ADGRB3: variants seen among roughly 807,000 people sequenced by gnomAD.
ADGRB3 encodes the protein adhesion G protein-coupled receptor B3.
A neutral mutation model predicts 193.4 loss-of-function variants in ADGRB3; 37 were observed. The observed-to-expected ratio is 0.19, with a 90% CI of 0.15 to 0.25. ADGRB3 has a LOEUF of 0.25. Among genes scored for constraint, ADGRB3 ranks in the 10% least tolerant of loss-of-function variants. The pLI, the probability that ADGRB3 is intolerant of heterozygous loss-of-function variation, is 1.00. For missense variants in ADGRB3, 1,637 were observed against 1,852.9 expected (o/e 0.88, Z 2.14); for synonymous variants, 690 against 644.2 (o/e 1.07, Z -1.08).
chr6:68,739,417 A>G (rs1765934826), intron 3 of ADGRB3, among the ~76,000 whole-genome samples: 1 of 152,190 alleles, frequency 6.6e-6, no homozygotes, highest in South Asian at 2.1e-4. Context: ...AAATGATTAC[A>G]TAGGAAACAA....
chr6:68,945,228 T>C (rs1767743270), intron 6 of ADGRB3, among the ~76,000 whole-genome samples: 1 of 152,160 alleles, frequency 6.6e-6, no homozygotes, highest in Non-Finnish European at 1.5e-5. Context: ...CAAATAATTA[T>C]AATTACATTA....
At chr6:68,682,303 C>T (rs1764910431) in intron 3 of ADGRB3, among the ~76,000 whole-genome samples, 1 of 152,102 alleles carries the variant, frequency 6.6e-6, no homozygotes, top group Admixed American at 6.5e-5. Flanking sequence ...TTTTGTTTTA[C>T]CTCCAAATAG....
In ADGRB3 at chr6:68,993,877, A is replaced by G; in HGVS notation, c.1844A>G (p.Asp615Gly). The change falls in exon 11 of 32, where the codon GAT becomes GGT. Residue 615 changes from aspartate (D) to glycine (G), a missense_variant. By Grantham distance (94) the Asp-to-Gly change is moderately conservative. Transcript: ENST00000370598. ...CAGAGAAAAAATTTCTATGCAGGCG[A>G]TCTTCTGATGTCTGTGGAGATCCTG... ...LTQRKNFYAG[D>G]LLMSVEILRN... 6.2e-7 allele frequency: 1 copy of G among 1,614,008 alleles called. No individual in the cohort carries two copies. Among genetic ancestry groups the G allele is most frequent in the Non-Finnish European group, 8.5e-7 (1 of 1,179,892 alleles).
intron 2 of ADGRB3, among the ~76,000 whole-genome samples, chr6:68,637,802 A>ATT (rs3839456): frequency 2.7e-4 from 40 of 148,734 alleles, no homozygotes; most frequent in South Asian, 6.4e-4. Flanking sequence ...ATGGTTCTGG[A>ATT]TTTTTTTTTT....
At chr6:68,676,980 A>G (rs1050739994) in intron 3 of ADGRB3, among the ~76,000 whole-genome samples, 1 of 152,206 alleles carries the variant, frequency 6.6e-6, no homozygotes, top group African/African-American at 2.4e-5. Flanking sequence ...GGAGCCAGCC[A>G]TTTCAGAATA....
chr6:68,930,765 GGAGCTGATATTTTTTC>G, intron 4 of ADGRB3, 96 bp downstream of exon 4: 2 of 986,684 alleles, frequency 2.0e-6, no homozygotes. Flanking sequence ...GTCAGTTTTT[GGAGCTGATATTTTTTC>G]GAGCCATTTT....
intron 3 of ADGRB3, among the ~76,000 whole-genome samples, chr6:68,863,258 T>C (rs1765205043): frequency 1.3e-5 from 2 of 152,078 alleles, no homozygotes; most frequent in African/African-American, 4.8e-5. Context: ...TTCAAATTCC[T>C]GAGTACAGAC....
At chr6:68,777,800 A>C (rs1361501856) in intron 3 of ADGRB3, among the ~76,000 whole-genome samples, 1 of 152,114 alleles carries the variant, frequency 6.6e-6, no homozygotes, top group Non-Finnish European at 1.5e-5. Context: ...GAAGGTCCAG[A>C]GAATTCATGC....
Position 68,771,405 on chromosome 6 carries a change from CACACACAT to C in ADGRB3, c.757+131975_757+131982del, listed in dbSNP as rs201691001. Among the ~76,000 whole-genome samples the C allele has an allele frequency of 3.1e-3, 466 of 151,790 alleles. 2 individuals are homozygous for C. Among genetic ancestry groups the C allele is most frequent in the Admixed American group, 4.5e-3 (69 of 15,206 alleles). ...ATATATACACACACACACACACACA[CACACACAT>C]ATATGTATACACACACATACATATG... On this transcript the variant is annotated intron_variant, in intron 3 of 31. Coordinates refer to ENST00000370598, the MANE Select transcript of ADGRB3 (RefSeq NM_001704.3).
intron 17 of ADGRB3, among the ~76,000 whole-genome samples, chr6:69,098,113 A>AGGTGC (rs1772936714): frequency 1.3e-5 from 2 of 152,284 alleles, no homozygotes; most frequent in South Asian, 4.1e-4. Context: ...AAACCAATTA[A>AGGTGC]AATAGTGCAG....
intron 17 of ADGRB3, among the ~76,000 whole-genome samples, chr6:69,129,557 C>T (rs1773948428): frequency 6.6e-6 from 1 of 152,066 alleles, no homozygotes. Flanking sequence ...TTTCTTAAGT[C>T]AATGGACTGG....
chr6:69,341,848 C>A (rs1768979352), intron 26 of ADGRB3, among the ~76,000 whole-genome samples: 1 of 151,986 alleles, frequency 6.6e-6, no homozygotes, highest in Non-Finnish European at 1.5e-5. Context: ...TGATGATATA[C>A]CTACATGCAG....
chr6:69,348,307 C>T (rs934856328), intron 26 of ADGRB3, among the ~76,000 whole-genome samples: 22 of 151,978 alleles, frequency 1.4e-4, no homozygotes, highest in African/African-American at 5.1e-4. Context: ...ACTGCCGTCC[C>T]AGCTGTTCCC....
intron 17 of ADGRB3, among the ~76,000 whole-genome samples, chr6:69,181,456 T>C (rs192640236): frequency 1.1e-3 from 174 of 152,256 alleles, no homozygotes; most frequent in African/African-American, 4.0e-3. Flanking sequence ...AAATGCACGA[T>C]ATATGCATTA....
At chr6:69,295,653 G>A (rs555652906) in intron 20 of ADGRB3, among the ~76,000 whole-genome samples, 2 of 152,166 alleles carry the variant, frequency 1.3e-5, no homozygotes, top group African/African-American at 2.4e-5. Flanking sequence ...CCACCTCTAC[G>A]CTGGTGATGC....
At chr6:68,911,273 G>C (rs186170024) in intron 3 of ADGRB3, among the ~76,000 whole-genome samples, 1,869 of 127,526 alleles carry the variant, frequency 0.015, 36 homozygotes, top group African/African-American at 0.053. Flanking sequence ...GTTGTGGGGT[G>C]GGGGGAGGGG....
chr6:68,831,523 C>T (rs748295116), intron 3 of ADGRB3, among the ~76,000 whole-genome samples: 5 of 152,052 alleles, frequency 3.3e-5, no homozygotes, highest in African/African-American at 1.2e-4. Context: ...TGGGGTTTCA[C>T]AGTCATTCAA....
Position 68,866,292 on chromosome 6 carries a change from G to T in ADGRB3, c.758-64267G>T, listed in dbSNP as rs117880126. Among the ~76,000 whole-genome samples, 24 of 152,224 alleles carry T rather than the reference G, an allele frequency of 1.6e-4. No individual in the cohort carries two copies. In the East Asian group the frequency reaches 3.1e-3, roughly 20 times the overall value. ...AGTGAGTTCTCAATGAGATATGATG[G>T]TTCAAAAGTGTGTGGCAATTCCCCC... On this transcript the variant is annotated intron_variant, in intron 3 of 31. Coordinates refer to ENST00000370598, the MANE Select transcript of ADGRB3 (RefSeq NM_001704.3).
At chr6:68,912,849 C>A (rs1766756367) in intron 3 of ADGRB3, among the ~76,000 whole-genome samples, 1 of 152,142 alleles carries the variant, frequency 6.6e-6, no homozygotes, top group African/African-American at 2.4e-5. Context: ...AATCAGGTCA[C>A]TCCCACCCTA....
Sources: allele counts gnomAD v4.1 joint callset (sites outside exome capture counted in the v4.1 genomes callset), GRCh38; gene constraint gnomAD v4.1.1; transcripts MANE v1.5; gene names NCBI Gene and HGNC (gene_info 2026-07-23, HGNC 2026-07-21).